The following NGEF variants were observed in gnomAD, a reference collection of about 807,000 sequenced individuals.
NGEF encodes the protein neuronal guanine nucleotide exchange factor.
NGEF carries 31 observed loss-of-function variants against 80.9 expected under a neutral mutation model. The ratio of observed to expected loss-of-function variants is 0.38; its 90% CI spans 0.29 to 0.52. NGEF has a LOEUF of 0.52. Among genes scored for constraint, NGEF ranks in the 20% least tolerant of loss-of-function variants. The pLI, the probability that NGEF is intolerant of heterozygous loss-of-function variation, is 0.84. For missense variants in NGEF, 709 were observed against 926.2 expected, an observed-to-expected ratio of 0.77 and a Z score of 3.04; for synonymous variants, 371 against 370.2, an observed-to-expected ratio of 1.00 and a Z score of -0.03.
chr2:232,983,280 G>T (rs1005344509), intron 1 of NGEF, among the ~76,000 whole-genome samples: 1 of 152,104 alleles, frequency 6.6e-6, no homozygotes, highest in African/African-American at 2.4e-5. Context: ...GGTGGGGGGA[G>T]CCCCTACTAC....
At chr2:232,950,641 G>T (rs923058219) in intron 3 of NGEF, among the ~76,000 whole-genome samples, 1 of 152,218 alleles carries the variant, frequency 6.6e-6, no homozygotes, top group Admixed American at 6.5e-5. Flanking sequence ...AAAGGGCAAA[G>T]CCTCCTCTTG....
In NGEF at chr2:232,942,840, T is replaced by G. The variant is rs143332229; in HGVS notation, c.384-15654A>C. ...AAAGAAGAAAATGATGAGTGTACCT[T>G]GAGCTCAAGTAGTACCATTATTTTC... On this transcript the variant is annotated intron_variant, in intron 3 of 14. Coordinates refer to ENST00000264051, the MANE Select transcript of NGEF (RefSeq NM_019850.3). Among the ~76,000 whole-genome samples the G allele has an allele frequency of 3.5e-4, 51 of 147,764 alleles. No homozygotes were observed. The East Asian group carries it at 9.6e-3, about 28-fold the overall frequency.
chr2:232,905,670 C>A (rs566024845), intron 5 of NGEF: 6 of 375,712 alleles, frequency 1.6e-5, no homozygotes, highest in South Asian at 9.0e-5. Context: ...CGCCTCTTCC[C>A]GGCCGCCATC....
At chr2:232,953,863 C>G (rs1357296059) in intron 3 of NGEF, among the ~76,000 whole-genome samples, 2 of 152,016 alleles carry the variant, frequency 1.3e-5, no homozygotes, top group South Asian at 2.1e-4. Flanking sequence ...CCTTGAGCCA[C>G]CAGATAAGAC....
chr2:232,920,204 C>A (rs1353643303), intron 5 of NGEF, 80 bp downstream of exon 5: 4 of 1,411,794 alleles, frequency 2.8e-6, no homozygotes, highest in Middle Eastern at 2.6e-4. Context: ...AACCTCACCC[C>A]CCAGAGGAAG....
intron 12 of NGEF, 117 bp from the exon 13 acceptor site, chr2:232,882,382 G>A (rs1277251326): frequency 1.4e-5 from 13 of 916,680 alleles, no homozygotes; most frequent in Admixed American, 8.3e-5. Flanking sequence ...CCTGAGCACC[G>A]CTCAAGCCCA....
At chr2:232,918,497 CTGTT>C (rs1206694291) in intron 5 of NGEF, among the ~76,000 whole-genome samples, 2 of 152,094 alleles carry the variant, frequency 1.3e-5, no homozygotes, top group Non-Finnish European at 2.9e-5. Flanking sequence ...TAATTTGGTG[CTGTT>C]TGTTTTTCAT....
At chr2:232,953,627 T>G (rs1227406702) in intron 3 of NGEF, among the ~76,000 whole-genome samples, 4 of 151,960 alleles carry the variant, frequency 2.6e-5, no homozygotes, top group Non-Finnish European at 5.9e-5. Context: ...TAGGGGGAGA[T>G]CTGCCCAGAG....
chr2:232,943,486 T>C (rs1225872844), intron 3 of NGEF, among the ~76,000 whole-genome samples: 4 of 148,646 alleles, frequency 2.7e-5, no homozygotes, highest in Non-Finnish European at 5.9e-5. Context: ...GCCTTAAAGG[T>C]GGAATGCTCT....
chr2:232,930,457 C>T (rs1234576592), intron 3 of NGEF, among the ~76,000 whole-genome samples: 1 of 152,028 alleles, frequency 6.6e-6, no homozygotes, highest in Admixed American at 6.6e-5. Context: ...GCAGCTGGGA[C>T]TACAGGCACC....
chr2:232,982,320 C>A (rs1694447613), intron 1 of NGEF, among the ~76,000 whole-genome samples: 1 of 152,090 alleles, frequency 6.6e-6, no homozygotes, highest in African/African-American at 2.4e-5. Flanking sequence ...CATGGTGGCA[C>A]CTTTCCTGTG....
At chr2:233,000,528 C>G (rs1195340003) in intron 1 of NGEF, among the ~76,000 whole-genome samples, 1 of 152,048 alleles carries the variant, frequency 6.6e-6, no homozygotes, top group Non-Finnish European at 1.5e-5. Context: ...GAGGCCGAGG[C>G]GGGTGGATCA....
intron 5 of NGEF, among the ~76,000 whole-genome samples, chr2:232,900,845 C>A (rs533993424): frequency 1.1e-4 from 17 of 152,370 alleles, no homozygotes; most frequent in Non-Finnish European, 2.2e-4. Context: ...CTGGGAGCCA[C>A]GCTGCCCGTG....
chr2:232,883,091 G>T (rs967209520), intron 12 of NGEF, among the ~76,000 whole-genome samples: 2 of 150,498 alleles, frequency 1.3e-5, no homozygotes, highest in African/African-American at 2.5e-5. Context: ...ACGCACACAC[G>T]CACACACGTA....
intron 13 of NGEF, among the ~76,000 whole-genome samples, chr2:232,881,468 C>G (rs1691503191): frequency 6.6e-6 from 1 of 152,226 alleles, no homozygotes; most frequent in Non-Finnish European, 1.5e-5. Flanking sequence ...TGTGAGGGGG[C>G]CTTAGTTTAA....
chr2:232,938,176 A>G (rs926873843), intron 3 of NGEF, among the ~76,000 whole-genome samples: 11 of 152,318 alleles, frequency 7.2e-5, no homozygotes, highest in Admixed American at 6.5e-4. Flanking sequence ...TCTGAATCAA[A>G]AATAGATGGC....
chr2:232,933,611 G>A (rs1230386418), intron 3 of NGEF, among the ~76,000 whole-genome samples: 2 of 152,232 alleles, frequency 1.3e-5, no homozygotes, highest in Non-Finnish European at 2.9e-5. Context: ...CCCTTGTGCT[G>A]TGACAGGTCC....
At chr2:232,996,581 A>G (rs1297203470) in intron 1 of NGEF, among the ~76,000 whole-genome samples, 1 of 152,216 alleles carries the variant, frequency 6.6e-6, no homozygotes, top group African/African-American at 2.4e-5. Flanking sequence ...AAAATAGTGT[A>G]GCATTTGCAT....
intron 3 of NGEF, among the ~76,000 whole-genome samples, chr2:232,967,844 G>T (rs749946021): frequency 6.6e-6 from 1 of 151,988 alleles, no homozygotes; most frequent in Non-Finnish European, 1.5e-5. Flanking sequence ...GCAGATACAG[G>T]GGATACAGTT....
Sources: gnomAD v4.1 joint callset for allele counts (sites outside exome capture counted in the v4.1 genomes callset) on GRCh38, gnomAD v4.1.1 for gene constraint, MANE v1.5 for transcripts, NCBI Gene and HGNC (gene_info 2026-07-23, HGNC 2026-07-21) for gene names.